The following GALNT18 variants were observed in gnomAD, a reference collection of about 807,000 sequenced individuals.
GALNT18 encodes GalNAc-transferase 18.
In GALNT18, 44 loss-of-function variants were observed where a neutral mutation model predicts 69.5. The ratio of observed to expected loss-of-function variants is 0.63; its 90% CI spans 0.50 to 0.81. The LOEUF (loss-of-function observed/expected upper bound fraction) is 0.81, where lower values mean the gene tolerates loss of function less well. Ranked by LOEUF, GALNT18 falls within the 40% of genes least tolerant of loss-of-function variation. The pLI is 0.00. For synonymous variants in GALNT18, 364 were observed against 318.2 expected (o/e 1.14, Z -1.53); for missense variants, 715 against 810.0 (o/e 0.88, Z 1.42).
Position 11,318,551 on chromosome 11 carries a change from G to C in GALNT18, c.1512+8535C>G, listed in dbSNP as rs575908379. Among the ~76,000 whole-genome samples the C allele has an allele frequency of 1.9e-4, 29 of 152,282 alleles. No homozygotes were observed. Among genetic ancestry groups the C allele is most frequent in the African/African-American group, 6.7e-4 (28 of 41,558 alleles). ...GCTGAGACCGATCTCGAACTTCTAG[G>C]CTTCAGAATTGTGAGACAGTAATTT... On this transcript the variant is annotated intron_variant, in intron 9 of 10. Coordinates refer to ENST00000227756, the MANE Select transcript of GALNT18 (RefSeq NM_198516.3). This position sits in a 1 kb window ranked among gnomAD's most constrained non-coding sequence, Gnocchi z 5.1.
chr11:11,490,727 G>T (rs7130159), intron 1 of GALNT18, among the ~76,000 whole-genome samples: 34,669 of 152,042 alleles, frequency 0.23, 4,352 homozygotes, highest in Admixed American at 0.37. Flanking sequence ...AGGTCCAGAA[G>T]GTGTGCTCAG....
chr11:11,379,472 G>A (rs1372016879), intron 3 of GALNT18, among the ~76,000 whole-genome samples: 2 of 152,188 alleles, frequency 1.3e-5, no homozygotes, highest in Non-Finnish European at 1.5e-5. Flanking sequence ...TGTATTTTCA[G>A]TATTTTCTGA....
chr11:11,306,514 GA>G (rs1201739351), intron 9 of GALNT18, among the ~76,000 whole-genome samples: 25 of 152,264 alleles, frequency 1.6e-4, no homozygotes, highest in Admixed American at 1.1e-3. Context: ...TGTCCCTGGG[GA>G]AAATATAACC....
Position 11,602,664 on chromosome 11 carries a change from T to G in GALNT18, c.235+18695A>C, listed in dbSNP as rs570981915. 3.3e-5 allele frequency among the ~76,000 whole-genome samples: 5 copies of G among 152,346 alleles called. No homozygotes were observed. In the East Asian group the frequency reaches 9.6e-4, roughly 29 times the overall value. On this transcript the variant is annotated intron_variant, in intron 1 of 10. Coordinates refer to ENST00000227756, the MANE Select transcript of GALNT18 (RefSeq NM_198516.3). The surrounding 1 kb of genome is among the most constrained non-coding windows in gnomAD (Gnocchi z 4.7). ...GGGACTTTAGATGGGTGTTGTTTAATAATTTTTACCAGTTATGTTGTTTCA... is the reference window on the plus strand; with the variant it reads ...GGGACTTTAGATGGGTGTTGTTTAAGAATTTTTACCAGTTATGTTGTTTCA...
chr11:11,322,979 T>A (rs1849862925), intron 9 of GALNT18, among the ~76,000 whole-genome samples: 1 of 152,146 alleles, frequency 6.6e-6, no homozygotes, highest in Non-Finnish European at 1.5e-5. Context: ...AGGACACTAA[T>A]CCTATCAGAT....
chr11:11,383,758 CT>C lies in GALNT18; in HGVS notation c.596-4495del, dbSNP rs1320771905. ...CATCATGGGGGCAGTTTCCCACACG[CT>C]GTTCTCATGATAGTGAGTGAGTTCT... On this transcript the variant is annotated intron_variant, in intron 3 of 10. Transcript: ENST00000227756. This position sits in a 1 kb window ranked among gnomAD's most constrained non-coding sequence, Gnocchi z 5.2. Among the ~76,000 whole-genome samples, 3 of 152,248 alleles carry C rather than the reference CT, an allele frequency of 2.0e-5. No individual in the cohort carries two copies. Among genetic ancestry groups the C allele is most frequent in the African/African-American group, 7.2e-5 (3 of 41,550 alleles).
intron 1 of GALNT18, among the ~76,000 whole-genome samples, chr11:11,491,509 C>A (rs1856769457): frequency 6.6e-6 from 1 of 152,202 alleles, no homozygotes; most frequent in African/African-American, 2.4e-5. Flanking sequence ...GAGCAAACTC[C>A]TGGCTGCAGG....
chr11:11,294,721 T>A (rs1257423188), intron 9 of GALNT18, among the ~76,000 whole-genome samples: 1 of 152,174 alleles, frequency 6.6e-6, no homozygotes, highest in Non-Finnish European at 1.5e-5. Flanking sequence ...GAAAGCCACG[T>A]GACTCTTGGC....
At chr11:11,370,188 C>A (rs1480543233) in intron 6 of GALNT18, among the ~76,000 whole-genome samples, 1 of 152,174 alleles carries the variant, frequency 6.6e-6, no homozygotes, top group Non-Finnish European at 1.5e-5. Context: ...ATTGCGCAAA[C>A]AACTTTCTTT....
intron 1 of GALNT18, among the ~76,000 whole-genome samples, chr11:11,455,509 C>T (rs1855905427): frequency 6.6e-6 from 1 of 152,090 alleles, no homozygotes; most frequent in Non-Finnish European, 1.5e-5. Context: ...AAGTACACCC[C>T]AAAGTAGAGG....
At chr11:11,400,938 A>C (rs1265336457) in intron 3 of GALNT18, among the ~76,000 whole-genome samples, 1 of 152,096 alleles carries the variant, frequency 6.6e-6, no homozygotes, top group East Asian at 1.9e-4. Context: ...CAACTGTGAA[A>C]ATTGGTTCTA....
intron 6 of GALNT18, among the ~76,000 whole-genome samples, chr11:11,351,053 C>T (rs1191928141): frequency 6.6e-6 from 1 of 152,134 alleles, no homozygotes; most frequent in African/African-American, 2.4e-5. Context: ...TTGTGTGGGG[C>T]TCATATGAGA....
rs533109916 is a variant in GALNT18 at position 11,435,204 on chromosome 11, T to C, written c.429-2417A>G. Among the ~76,000 whole-genome samples the C allele has an allele frequency of 1.3e-5, 2 of 152,308 alleles. No homozygotes were observed. Among genetic ancestry groups the C allele is most frequent in the South Asian group, 4.2e-4 (2 of 4,814 alleles). ...CTGCACTGCGTTCCCAGAGCCTCAG[T>C]ATCCAAATTTCCAGGGTGTTCAGAG... On this transcript the variant is annotated intron_variant, in intron 2 of 10. Coordinates refer to ENST00000227756, the MANE Select transcript of GALNT18 (RefSeq NM_198516.3). The surrounding 1 kb of genome is among the most constrained non-coding windows in gnomAD (Gnocchi z 4.4).
chr11:11,295,945 A>C (rs1191456547), intron 9 of GALNT18, among the ~76,000 whole-genome samples: 1 of 152,136 alleles, frequency 6.6e-6, no homozygotes, highest in African/African-American at 2.4e-5. Flanking sequence ...GAATCCTGAG[A>C]CTGTCCATTG....
chr11:11,307,649 C>T (rs1328772777), intron 9 of GALNT18, among the ~76,000 whole-genome samples: 1 of 152,206 alleles, frequency 6.6e-6, no homozygotes, highest in African/African-American at 2.4e-5. Flanking sequence ...CCACATGTGG[C>T]CTCCACTTTT....
chr11:11,534,615 G>A (rs974203584), intron 1 of GALNT18, among the ~76,000 whole-genome samples: 7 of 152,178 alleles, frequency 4.6e-5, no homozygotes, highest in South Asian at 2.1e-4. Flanking sequence ...TGCCCAAGAC[G>A]TCAGATTACC....
chr11:11,271,039 C>A lies in GALNT18; in HGVS notation c.*105G>T. The A allele has an allele frequency of 9.4e-7, 1 of 1,062,528 alleles. No homozygotes were observed. The highest frequency in any genetic ancestry group is 1.3e-6 in the Non-Finnish European group (1 of 750,362). The allele number at this position is 1,062,528 out of a possible 1,614,324, so 65.8% of individuals were successfully genotyped here. On this transcript the variant is annotated 3_prime_UTR_variant, in exon 11 of 11. Transcript: ENST00000227756. ...ATAAAAAGCTCTTCTTGGGGGCCCA[C>A]TAACCTGGTTCCCCAGACTCCAAAC...
In GALNT18 at chr11:11,270,986, T is replaced by C; in HGVS notation, c.*158A>G. On this transcript the variant is annotated 3_prime_UTR_variant, in exon 11 of 11. Coordinates refer to ENST00000227756, the MANE Select transcript of GALNT18 (RefSeq NM_198516.3). Reference sequence around the variant, plus strand: ...CATCACCTACCAATCAGCATCTTTCTATAAACTCCATGAAAATTGAATAGG... The same window carrying C: ...CATCACCTACCAATCAGCATCTTTCCATAAACTCCATGAAAATTGAATAGG... The C allele has an allele frequency of 3.3e-6, 2 of 601,138 alleles. No individual in the cohort carries two copies. Among genetic ancestry groups the C allele is most frequent in the Non-Finnish European group, 2.8e-6 (1 of 356,634 alleles). 37.2% of individuals were successfully genotyped at this position (601,138 alleles called of 1,614,324 possible). A position where few individuals can be genotyped will look rare whatever the true frequency, so the allele number is the denominator to read the frequency against.
In GALNT18 at chr11:11,463,329, G is replaced by A. The variant is rs778318853; in HGVS notation, c.236-14393C>T. Reference sequence around the variant, plus strand: ...AGTGGTTGCTCACTGCTTATAGCAAGAGCATTAAAAATGTGTCATTTCAAA... The same window carrying A: ...AGTGGTTGCTCACTGCTTATAGCAAAAGCATTAAAAATGTGTCATTTCAAA... On this transcript the variant is annotated intron_variant, in intron 1 of 10. Coordinates refer to ENST00000227756, the MANE Select transcript of GALNT18 (RefSeq NM_198516.3). The surrounding 1 kb of genome is among the most constrained non-coding windows in gnomAD (Gnocchi z 4.2). Among the ~76,000 whole-genome samples, 1 of 152,168 alleles carries A rather than the reference G, an allele frequency of 6.6e-6. No individual in the cohort carries two copies. The highest frequency in any genetic ancestry group is 2.4e-5 in the African/African-American group (1 of 41,436).
Sources: allele counts gnomAD v4.1 joint callset (sites outside exome capture counted in the v4.1 genomes callset), GRCh38; gene constraint gnomAD v4.1.1; non-coding constraint Gnocchi (gnomAD v3.1); transcripts MANE v1.5; gene names NCBI Gene and HGNC (gene_info 2026-07-23, HGNC 2026-07-21).